ANKRD33B: variants seen among roughly 807,000 people sequenced by gnomAD.
ANKRD33B encodes the protein ankyrin repeat domain 33B.
A neutral mutation model predicts 21.5 loss-of-function variants in ANKRD33B; 6 were observed. The observed-to-expected ratio is 0.28, with a 90% CI of 0.15 to 0.55. ANKRD33B has a LOEUF of 0.55. Ranked by LOEUF, ANKRD33B falls within the 20% of genes least tolerant of loss-of-function variation. ANKRD33B has a pLI of 0.94. For synonymous variants in ANKRD33B, 347 were observed against 342.4 expected (o/e 1.01, Z -0.15); for missense variants, 698 against 747.2 (o/e 0.93, Z 0.77).
At chr5:10,628,865 T>A (rs1424460918) in intron 2 of ANKRD33B, among the ~76,000 whole-genome samples, 5 of 150,002 alleles carry the variant, frequency 3.3e-5, no homozygotes, top group African/African-American at 4.9e-5. Flanking sequence ...AGACCTGGAG[T>A]TGGAAGGGAT....
At chr5:10,589,604 ATTTC>A (rs1473786772) in intron 1 of ANKRD33B, among the ~76,000 whole-genome samples, 1 of 152,086 alleles carries the variant, frequency 6.6e-6, no homozygotes, top group Non-Finnish European at 1.5e-5. Flanking sequence ...AGCCCTTTGT[ATTTC>A]TTTCTTTGAA....
At chr5:10,577,074 C>T (rs953980581) in intron 1 of ANKRD33B, among the ~76,000 whole-genome samples, 1 of 151,862 alleles carries the variant, frequency 6.6e-6, no homozygotes, top group African/African-American at 2.4e-5. Flanking sequence ...TTTTCCCTTC[C>T]CTTTCCCCTT....
chr5:10,619,488 T>C lies in ANKRD33B; in HGVS notation c.496+1026T>C. 3.2e-6 allele frequency: 2 copies of C among 618,918 alleles called. No homozygotes were observed. The highest frequency in any genetic ancestry group is 4.0e-6 in the Non-Finnish European group (2 of 495,354). The allele number at this position is 618,918 out of a possible 1,614,324, so 38.3% of individuals were successfully genotyped here. A position where few individuals can be genotyped will look rare whatever the true frequency, so the allele number is the denominator to read the frequency against. ...CCAAAGCCACCCTGGGTGGATCTGA[T>C]GGGTGGGGGGCCAGGGAGGCTGGAA... On this transcript the variant is annotated intron_variant, in intron 2 of 3. Coordinates refer to ENST00000296657, the MANE Select transcript of ANKRD33B (RefSeq NM_001164440.2). The surrounding 1 kb of genome is among the most constrained non-coding windows in gnomAD (Gnocchi z 4.5).
At chr5:10,644,140 A>G (rs1171562858) in intron 3 of ANKRD33B, among the ~76,000 whole-genome samples, 1 of 152,218 alleles carries the variant, frequency 6.6e-6, no homozygotes, top group Non-Finnish European at 1.5e-5. Flanking sequence ...TGATATTAAG[A>G]AAAAAATAAA....
Position 10,564,104 on chromosome 5 carries a change from C to A in ANKRD33B, c.-364C>A, listed in dbSNP as rs560280169. 1.9e-3 allele frequency among the ~76,000 whole-genome samples: 287 copies of A among 152,230 alleles called. 1 individual carries two copies. Among genetic ancestry groups the A allele is most frequent in the African/African-American group, 6.5e-3 (270 of 41,582 alleles). On this transcript the variant is annotated 5_prime_UTR_variant, in exon 1 of 4. Coordinates refer to ENST00000296657, the MANE Select transcript of ANKRD33B (RefSeq NM_001164440.2). The stretch of plus-strand genomic sequence containing the variant: ...TTCTGCTTCTCCCGCGCCAGCTGTC[C>A]CCAGCTCTGGGGCAACGCTGCCAGG...
At chr5:10,586,470 G>A (rs771707174) in intron 1 of ANKRD33B, among the ~76,000 whole-genome samples, 18 of 148,996 alleles carry the variant, frequency 1.2e-4, no homozygotes, top group Non-Finnish European at 1.5e-4. Context: ...TACGATGTGC[G>A]TTGGGTTCTT....
rs949181039 is a variant in ANKRD33B at position 10,576,363 on chromosome 5, T to C, written c.366+11530T>C. ...AGCAGCGTTGGCATCGCCTGGGAGCTTCTACCAAATGCAGGATCTCAGGCC... is the reference window on the plus strand; with the variant it reads ...AGCAGCGTTGGCATCGCCTGGGAGCCTCTACCAAATGCAGGATCTCAGGCC... On this transcript the variant is annotated intron_variant, in intron 1 of 3. Coordinates refer to ENST00000296657, the MANE Select transcript of ANKRD33B (RefSeq NM_001164440.2). This position sits in a 1 kb window ranked among gnomAD's most constrained non-coding sequence, Gnocchi z 4.1. Among the ~76,000 whole-genome samples the C allele has an allele frequency of 7.2e-5, 11 of 152,152 alleles. No homozygotes were observed. The highest frequency in any genetic ancestry group is 2.2e-4 in the African/African-American group (9 of 41,426).
chr5:10,591,449 C>T lies in ANKRD33B; in HGVS notation c.366+26616C>T, dbSNP rs571861058. ...GACCTCTTGATCTGCCACCCTTGGCCTCCCAGAGTGCTGTCCCGCACCGAG... is the reference window on the plus strand; with the variant it reads ...GACCTCTTGATCTGCCACCCTTGGCTTCCCAGAGTGCTGTCCCGCACCGAG... On this transcript the variant is annotated intron_variant, in intron 1 of 3. Coordinates refer to ENST00000296657, the MANE Select transcript of ANKRD33B (RefSeq NM_001164440.2). 4.6e-5 allele frequency among the ~76,000 whole-genome samples: 7 copies of T among 152,178 alleles called. No individual in the cohort carries two copies. The East Asian group carries it at 1.2e-3, about 25-fold the overall frequency.
At position 10,590,162 on chromosome 5, in the gene ANKRD33B, A is replaced by C. The variant is rs149592383; in HGVS notation, c.366+25329A>C. On this transcript the variant is annotated intron_variant, in intron 1 of 3. Coordinates refer to ENST00000296657, the MANE Select transcript of ANKRD33B (RefSeq NM_001164440.2). ...TTGCTTTTACATATTAGTTATTTTA[A>C]AGCTTGATCGTTCTAATTTCTGGAT... is the stretch of plus-strand genomic sequence containing the variant. Among the ~76,000 whole-genome samples, 13 of 152,218 alleles carry C rather than the reference A, an allele frequency of 8.5e-5. No homozygotes were observed. In the East Asian group the frequency reaches 2.3e-3, roughly 27 times the overall value.
At chr5:10,569,280 C>A (rs762577331) in intron 1 of ANKRD33B, among the ~76,000 whole-genome samples, 13 of 152,134 alleles carry the variant, frequency 8.5e-5, no homozygotes, top group Admixed American at 1.3e-4. Flanking sequence ...GGAGGGCCTG[C>A]AAGCACAAGC....
At position 10,582,394 on chromosome 5, in the gene ANKRD33B, G is replaced by A. The variant is rs114885814; in HGVS notation, c.366+17561G>A. ...TCCTGTATCCAGTCATTTCCCAAGC[G>A]GGGGGGATGTCCACCATGATGGTCT... On this transcript the variant is annotated intron_variant, in intron 1 of 3. Coordinates refer to ENST00000296657, the MANE Select transcript of ANKRD33B (RefSeq NM_001164440.2). Among the ~76,000 whole-genome samples the A allele has an allele frequency of 6.1e-3, 926 of 152,198 alleles. 13 individuals carry two copies. Among genetic ancestry groups the A allele is most frequent in the African/African-American group, 0.021 (867 of 41,528 alleles).
chr5:10,654,348 C>T lies in ANKRD33B; in HGVS notation c.*4235C>T, dbSNP rs946926045. The T allele has an allele frequency of 4.6e-5, 7 of 152,490 alleles. No individual in the cohort carries two copies. Among genetic ancestry groups the T allele is most frequent in the African/African-American group, 1.7e-4 (7 of 41,580 alleles). The allele number at this position is 152,490 out of a possible 1,614,324, so 9.4% of individuals were successfully genotyped here. A position where few individuals can be genotyped will look rare whatever the true frequency, so the allele number is the denominator to read the frequency against. ...GTGGGGCTCGGGATCCCTCCCTGCA[C>T]CCTGATGTTTATTAACTGTAGATAG... is the stretch of plus-strand genomic sequence containing the variant. On this transcript the variant is annotated 3_prime_UTR_variant, in exon 4 of 4. Transcript: ENST00000296657.
chr5:10,622,404 A>G (rs1245795872), intron 2 of ANKRD33B, among the ~76,000 whole-genome samples: 1 of 152,128 alleles, frequency 6.6e-6, no homozygotes, highest in South Asian at 2.1e-4. Flanking sequence ...GTAAAAGCCC[A>G]TATTTCTTTG....
chr5:10,601,597 G>A (rs547698098), intron 1 of ANKRD33B, among the ~76,000 whole-genome samples: 17 of 152,306 alleles, frequency 1.1e-4, no homozygotes, highest in African/African-American at 3.9e-4. Context: ...GGAGGGAGTC[G>A]CATTTCAGCA....
At chr5:10,627,274 G>A (rs989036016) in intron 2 of ANKRD33B, 5 of 152,218 alleles carry the variant, frequency 3.3e-5, no homozygotes, top group African/African-American at 1.2e-4. Flanking sequence ...AGAGTTGTGT[G>A]TTTATTTCTG....
chr5:10,583,694 T>C (rs1735495036), intron 1 of ANKRD33B, among the ~76,000 whole-genome samples: 1 of 140,406 alleles, frequency 7.1e-6, no homozygotes, highest in Non-Finnish European at 1.6e-5. Context: ...ACCAAGAGTT[T>C]TGTCAGGTGT....
rs141232046 is a variant in ANKRD33B, at chr5:10,587,358, C to T, written c.366+22525C>T. ...TCAAGTGATCCGCCTGCTTCAGCTT[C>T]CCAAAGTGCTGGGATTACAGATGTG... is the stretch of plus-strand genomic sequence containing the variant. On this transcript the variant is annotated intron_variant, in intron 1 of 3. Transcript: ENST00000296657. Among the ~76,000 whole-genome samples the T allele has an allele frequency of 9.9e-3, 1,512 of 152,254 alleles. 10 individuals carry two copies. The highest frequency in any genetic ancestry group is 0.016 in the Non-Finnish European group (1,073 of 68,024).
chr5:10,578,551 G>A (rs1036459912), intron 1 of ANKRD33B, among the ~76,000 whole-genome samples: 2 of 152,198 alleles, frequency 1.3e-5, no homozygotes, highest in Admixed American at 6.5e-5. Flanking sequence ...GGGATTTTGG[G>A]AGATAGGACA....
At chr5:10,606,848 C>T (rs1736056762) in intron 1 of ANKRD33B, among the ~76,000 whole-genome samples, 1 of 151,682 alleles carries the variant, frequency 6.6e-6, no homozygotes, top group Admixed American at 6.6e-5. Context: ...CCTGCCTCAG[C>T]CTCCTGAGTA....
Sources: gnomAD v4.1 joint callset for allele counts (sites outside exome capture counted in the v4.1 genomes callset) on GRCh38, gnomAD v4.1.1 for gene constraint, Gnocchi (gnomAD v3.1) non-coding constraint, MANE v1.5 for transcripts, NCBI Gene and HGNC (gene_info 2026-07-23, HGNC 2026-07-21) for gene names.